The following METTL8 variants were observed in gnomAD, a reference collection of about 807,000 sequenced individuals.
The protein encoded by METTL8 is methyltransferase 8, tRNA N3-cytidine, also known as tRNA N(3)-cytidine methyltransferase METTL8, mitochondrial.
METTL8 carries 32 observed loss-of-function variants against 48.7 expected under a neutral mutation model. The observed-to-expected ratio is 0.66, with a 90% CI of 0.50 to 0.88. METTL8 has a LOEUF of 0.88. Among genes scored for constraint, METTL8 ranks in the 40% least tolerant of loss-of-function variants. The probability of loss-of-function intolerance (pLI) is 0.00; values close to 1 mark genes in which losing one functional copy is unlikely to be tolerated. For synonymous variants in METTL8, 136 were observed against 157.1 expected, an observed-to-expected ratio of 0.87 and a Z score of 1.01; for missense variants, 464 against 474.4, an observed-to-expected ratio of 0.98 and a Z score of 0.20.
chr2:171,366,917 G>T (rs1306318136), intron 2 of METTL8, among the ~76,000 whole-genome samples: 2 of 151,058 alleles, frequency 1.3e-5, no homozygotes, highest in African/African-American at 4.9e-5. Flanking sequence ...AACTGGGAGG[G>T]TTAACAGCTG....
chr2:171,390,769 C>T (rs1028121121), intron 2 of METTL8, among the ~76,000 whole-genome samples: 1 of 152,142 alleles, frequency 6.6e-6, no homozygotes, highest in African/African-American at 2.4e-5. Context: ...ATGGAATCTA[C>T]TTGGGGTGAA....
intron 7 of METTL8, among the ~76,000 whole-genome samples, chr2:171,328,209 G>C (rs1685154882): frequency 6.6e-6 from 1 of 152,148 alleles, no homozygotes; most frequent in African/African-American, 2.4e-5. Context: ...CTTATCTCTG[G>C]ATAGAGGGAG....
Position 171,430,751 on chromosome 2 carries a change from A to C in METTL8, c.-13+3132T>G, listed in dbSNP as rs1405911967. ...CAGTGAAACCTGACCTTCAAGCTGA[A>C]GACAGCTTAAAGCCTAGCTACATGT... On this transcript the variant is annotated intron_variant, in intron 1 of 9. Coordinates refer to ENST00000375258, the MANE Select transcript of METTL8 (RefSeq NM_001321154.2). Among the ~76,000 whole-genome samples the C allele has an allele frequency of 2.6e-5, 4 of 152,256 alleles. No individual in the cohort carries two copies. The East Asian group carries it at 7.7e-4, about 29-fold the overall frequency.
intron 1 of METTL8, among the ~76,000 whole-genome samples, chr2:171,404,440 G>T (rs1689979149): frequency 6.6e-6 from 1 of 152,070 alleles, no homozygotes; most frequent in South Asian, 2.1e-4. Context: ...CGGGTAGTTA[G>T]AATTTATAGA....
At chr2:171,406,017 T>C (rs963528536) in intron 1 of METTL8, among the ~76,000 whole-genome samples, 14 of 152,144 alleles carry the variant, frequency 9.2e-5, no homozygotes, top group African/African-American at 2.9e-4. Flanking sequence ...CTCAAATTAG[T>C]GGTTATTTAT....
At chr2:171,411,555 T>C (rs951400163) in intron 1 of METTL8, among the ~76,000 whole-genome samples, 6 of 152,220 alleles carry the variant, frequency 3.9e-5, no homozygotes, top group Non-Finnish European at 5.9e-5. Flanking sequence ...ATAAAGTTAG[T>C]ATTTCAAATT....
chr2:171,405,349 G>C (rs1690068725), intron 1 of METTL8, among the ~76,000 whole-genome samples: 1 of 152,114 alleles, frequency 6.6e-6, no homozygotes, highest in African/African-American at 2.4e-5. Flanking sequence ...TATTTAGGAA[G>C]AAGAGGGGTT....
At chr2:171,371,689 A>G (rs2105502857) in intron 2 of METTL8, among the ~76,000 whole-genome samples, 1 of 151,868 alleles carries the variant, frequency 6.6e-6, no homozygotes, top group Non-Finnish European at 1.5e-5. Flanking sequence ...AAACCTTTTT[A>G]GCCTCTGGAA....
chr2:171,373,837 A>G (rs1368627035), intron 2 of METTL8, among the ~76,000 whole-genome samples: 1 of 152,078 alleles, frequency 6.6e-6, no homozygotes, highest in East Asian at 1.9e-4. Context: ...CCATTGGTCT[A>G]TATCTCTGTT....
In METTL8 at chr2:171,316,358, C is replaced by G. The variant is rs1575689406; in HGVS notation, c.*7814G>C. Among the ~76,000 whole-genome samples, 1 of 152,170 alleles carries G rather than the reference C, an allele frequency of 6.6e-6. No homozygotes were observed. The highest frequency in any genetic ancestry group is 1.5e-5 in the Non-Finnish European group (1 of 68,026). The stretch of plus-strand genomic sequence containing the variant: ...TGAGCAGCAGTGCTGAATGGGGAAG[C>G]CTGGATCCATGGTTTTTTCCTAAAG... On this transcript the variant is annotated 3_prime_UTR_variant, in exon 10 of 10. Coordinates refer to ENST00000375258, the MANE Select transcript of METTL8 (RefSeq NM_001321154.2).
intron 3 of METTL8, among the ~76,000 whole-genome samples, chr2:171,346,021 GT>G (rs905276265): frequency 6.6e-6 from 1 of 151,924 alleles, no homozygotes; most frequent in Non-Finnish European, 1.5e-5. Context: ...TGGATCTATA[GT>G]TTTTTTGTTT....
intron 1 of METTL8, among the ~76,000 whole-genome samples, chr2:171,396,234 C>G (rs1689052147): frequency 6.6e-6 from 1 of 151,672 alleles, no homozygotes; most frequent in African/African-American, 2.4e-5. Flanking sequence ...TGCACTCCAG[C>G]CTGGGTGACA....
chr2:171,371,370 T>C (rs1195858850), intron 2 of METTL8, among the ~76,000 whole-genome samples: 1 of 152,156 alleles, frequency 6.6e-6, no homozygotes, highest in Non-Finnish European at 1.5e-5. Context: ...ATTAATTTAT[T>C]TTTTGAGACA....
At chr2:171,395,822 T>C (rs1054005304) in intron 1 of METTL8, among the ~76,000 whole-genome samples, 5 of 152,142 alleles carry the variant, frequency 3.3e-5, no homozygotes, top group Non-Finnish European at 7.4e-5. Context: ...TCAAAAAGGA[T>C]AAAGAAGATT....
chr2:171,336,160 A>C (rs997057250), intron 5 of METTL8, among the ~76,000 whole-genome samples: 35 of 151,584 alleles, frequency 2.3e-4, no homozygotes, highest in Non-Finnish European at 4.3e-4. Context: ...GCAGTGGCGC[A>C]TCTCAGCTCA....
At chr2:171,324,461 A>G (rs1684724195) in intron 9 of METTL8, 99 bp from the exon 10 acceptor site, 2 of 1,072,166 alleles carry the variant, frequency 1.9e-6, no homozygotes, top group Non-Finnish European at 2.6e-6. Flanking sequence ...TCTAAATTTC[A>G]TTTATACAAG....
chr2:171,362,949 G>A (rs1685314050), intron 2 of METTL8, among the ~76,000 whole-genome samples: 1 of 152,216 alleles, frequency 6.6e-6, no homozygotes, highest in East Asian at 1.9e-4. Context: ...TCTAAGGCTA[G>A]GGATGAGTTT....
chr2:171,424,084 A>G (rs1312478163), intron 1 of METTL8, among the ~76,000 whole-genome samples: 5 of 152,252 alleles, frequency 3.3e-5, no homozygotes, highest in African/African-American at 1.2e-4. Context: ...AGAGGGGACA[A>G]GCTCCAAGCC....
chr2:171,331,051 G>A (rs763586043), intron 6 of METTL8, among the ~76,000 whole-genome samples: 4 of 152,116 alleles, frequency 2.6e-5, no homozygotes, highest in African/African-American at 4.8e-5. Flanking sequence ...TCATGGGCAG[G>A]CATACATTCT....
Sources: allele counts gnomAD v4.1 joint callset (sites outside exome capture counted in the v4.1 genomes callset), GRCh38; gene constraint gnomAD v4.1.1; transcripts MANE v1.5; gene names NCBI Gene and HGNC (gene_info 2026-07-23, HGNC 2026-07-21).